The following KIF1B variants were observed in gnomAD, a reference collection of about 807,000 sequenced individuals.
The protein encoded by KIF1B is kinesin family member 1B.
KIF1B carries 76 observed loss-of-function variants against 241.9 expected under a neutral mutation model. That is an observed-to-expected ratio of 0.31 (90% CI 0.26 to 0.38). The LOEUF (loss-of-function observed/expected upper bound fraction) is 0.38. KIF1B is among the 10% of genes least tolerant of loss of function. KIF1B has a pLI of 1.00. For synonymous variants in KIF1B, 750 were observed against 796.7 expected, an observed-to-expected ratio of 0.94 and a Z score of 0.99; for missense variants, 1,622 against 2,271.4, an observed-to-expected ratio of 0.71 and a Z score of 5.81.
intron 2 of KIF1B, among the ~76,000 whole-genome samples, chr1:10,251,349 T>C (rs1192989599): frequency 4.0e-5 from 6 of 148,440 alleles, no homozygotes; most frequent in Non-Finnish European, 7.4e-5. Context: ...TTTTTTTTAC[T>C]AAGGAAAAGA....
rs997161395 is a variant in KIF1B at position 10,375,143 on chromosome 1, C to G, written c.5289+97C>G. 12 of 1,514,930 alleles carry G rather than the reference C, an allele frequency of 7.9e-6. No individual in the cohort carries two copies. The Admixed American group carries it at 2.0e-4, about 25-fold the overall frequency. 93.8% of individuals were successfully genotyped at this position (1,514,930 alleles called of 1,614,324 possible). ...ACGTGGTGTGAAATTTCCCTATTCTCTCTGGTTTTGAACTTCCTTTGTGAA... is the reference window on the plus strand; with the variant it reads ...ACGTGGTGTGAAATTTCCCTATTCTGTCTGGTTTTGAACTTCCTTTGTGAA... On this transcript the variant is annotated intron_variant, in intron 47 of 48. Transcript: ENST00000676179.
rs144047666 is a variant in KIF1B at position 10,379,327 on chromosome 1, C to A, written c.*2740C>A. 2.5e-3 allele frequency: 585 copies of A among 231,208 alleles called. 3 individuals carry two copies. The highest frequency in any genetic ancestry group is 6.4e-3 in the Middle Eastern group (5 of 780). 14.3% of individuals were successfully genotyped at this position (231,208 alleles called of 1,614,324 possible). A position where few individuals can be genotyped will look rare whatever the true frequency, so the allele number is the denominator to read the frequency against. ...GCCAAACTGGACTGTCTGTTCATAG[C>A]GTGCCTGAATAAGAAGGCCTCTTAG... is the stretch of plus-strand genomic sequence containing the variant. On this transcript the variant is annotated 3_prime_UTR_variant, in exon 49 of 49. Coordinates refer to ENST00000676179, the MANE Select transcript of KIF1B (RefSeq NM_001365951.3).
At chr1:10,213,317 A>G (rs1295847610) in intron 1 of KIF1B, among the ~76,000 whole-genome samples, 2 of 152,194 alleles carry the variant, frequency 1.3e-5, no homozygotes, top group Admixed American at 1.3e-4. Context: ...TATCCAATTA[A>G]GTATAGCTTT....
intron 1 of KIF1B, among the ~76,000 whole-genome samples, chr1:10,220,099 G>C (rs1646821287): frequency 6.6e-6 from 1 of 151,854 alleles, no homozygotes; most frequent in African/African-American, 2.4e-5. Flanking sequence ...CTACTCGGGA[G>C]GCTGAAGTAG....
rs1178969849 is a variant in KIF1B, at chr1:10,258,426, G to A, written c.184-67G>A. On this transcript the variant is annotated intron_variant, in intron 3 of 48. Coordinates refer to ENST00000676179, the MANE Select transcript of KIF1B (RefSeq NM_001365951.3). ...GATTCCAGACACTTTTATTATGGAAGCAATCAAGTAAGTATAGGAAGAAAT... is the reference window on the plus strand; with the variant it reads ...GATTCCAGACACTTTTATTATGGAAACAATCAAGTAAGTATAGGAAGAAAT... 3.3e-6 allele frequency: 5 copies of A among 1,498,350 alleles called. No homozygotes were observed. The African/African-American group carries it at 5.6e-5, about 17-fold the overall frequency. 92.8% of individuals were successfully genotyped at this position (1,498,350 alleles called of 1,614,324 possible). A position where few individuals can be genotyped will look rare whatever the true frequency, so the allele number is the denominator to read the frequency against.
At chr1:10,345,188 C>G (rs987406854) in intron 34 of KIF1B, among the ~76,000 whole-genome samples, 1 of 152,156 alleles carries the variant, frequency 6.6e-6, no homozygotes, top group Non-Finnish European at 1.5e-5. Context: ...GAATTTAAAT[C>G]TGAAGAAAAT....
chr1:10,249,844 G>A (rs1890614), intron 2 of KIF1B, among the ~76,000 whole-genome samples: 4,808 of 152,298 alleles, frequency 0.032, 280 homozygotes, highest in African/African-American at 0.11. Context: ...CTGAGGATGC[G>A]TGAGCTGTAA....
At chr1:10,330,916 G>A (rs1651895800) in intron 27 of KIF1B, among the ~76,000 whole-genome samples, 1 of 152,126 alleles carries the variant, frequency 6.6e-6, no homozygotes, top group Non-Finnish European at 1.5e-5. Context: ...ATAACGTTGG[G>A]GGACCTGTTA....
intron 22 of KIF1B, among the ~76,000 whole-genome samples, chr1:10,316,357 A>G (rs1651304722): frequency 6.6e-6 from 1 of 151,666 alleles, no homozygotes; most frequent in Non-Finnish European, 1.5e-5. Flanking sequence ...AATTTGGTTA[A>G]TGTGATGTTT....
chr1:10,245,527 C>T (rs1255050959), intron 2 of KIF1B, among the ~76,000 whole-genome samples: 1 of 151,876 alleles, frequency 6.6e-6, no homozygotes, highest in African/African-American at 2.4e-5. Flanking sequence ...AACCTGAAGA[C>T]AAAAGGGAAA....
rs1411572731 is a variant in KIF1B, at chr1:10,337,354, C to T, written c.3260-17C>T. ...GCATTATTTGAACCATCTGTGTCTTCATTTGACCCTCTTTAGATTTGAAGT... is the reference window on the plus strand; with the variant it reads ...GCATTATTTGAACCATCTGTGTCTTTATTTGACCCTCTTTAGATTTGAAGT... On this transcript the variant is annotated splice_polypyrimidine_tract_variant and intron_variant, in intron 30 of 48. Transcript: ENST00000676179. The surrounding 1 kb of genome is among the most constrained non-coding windows in gnomAD (Gnocchi z 4.0). The T allele has an allele frequency of 6.2e-7, 1 of 1,614,182 alleles. No homozygotes were observed. The highest frequency in any genetic ancestry group is 1.1e-5 in the South Asian group (1 of 91,080).
At chr1:10,284,601 C>T (rs547783282) in intron 15 of KIF1B, among the ~76,000 whole-genome samples, 46 of 152,262 alleles carry the variant, frequency 3.0e-4, no homozygotes, top group African/African-American at 1.0e-3. Context: ...ACAAGAATCA[C>T]TTGAACTTGG....
At chr1:10,246,712 C>G (rs1220219812) in intron 2 of KIF1B, among the ~76,000 whole-genome samples, 1 of 152,110 alleles carries the variant, frequency 6.6e-6, no homozygotes, top group East Asian at 1.9e-4. Context: ...CCACTGCACT[C>G]TAGCCTGCTG....
At chr1:10,219,385 G>GGGAGGCGGAGGTTGCAGTGAGCCAGAT (rs1553159905) in intron 1 of KIF1B, among the ~76,000 whole-genome samples, 1 of 150,730 alleles carries the variant, frequency 6.6e-6, no homozygotes, top group African/African-American at 2.4e-5. Flanking sequence ...ACTTGAACCT[G>GGGAGGCGGAGGTTGCAGTGAGCCAGAT]GGAGGCGGAG....
At chr1:10,289,806 C>G (rs932421183) in intron 15 of KIF1B, among the ~76,000 whole-genome samples, 8 of 152,250 alleles carry the variant, frequency 5.3e-5, no homozygotes, top group African/African-American at 1.9e-4. Context: ...ATCGCTTGAA[C>G]CTGGGAGGTG....
At chr1:10,222,762 C>T (rs1646861235) in intron 1 of KIF1B, among the ~76,000 whole-genome samples, 1 of 152,138 alleles carries the variant, frequency 6.6e-6, no homozygotes, top group African/African-American at 2.4e-5. Flanking sequence ...AATTTTTGCT[C>T]CATTCCACTT....
At chr1:10,367,854 G>A (rs1358171066) in intron 43 of KIF1B, among the ~76,000 whole-genome samples, 1 of 151,860 alleles carries the variant, frequency 6.6e-6, no homozygotes, top group Non-Finnish European at 1.5e-5. Context: ...TCAGCCTCCC[G>A]AGTAGCTGGG....
At chr1:10,263,277 A>AT (rs1438167883) in intron 5 of KIF1B, among the ~76,000 whole-genome samples, 4 of 150,308 alleles carry the variant, frequency 2.7e-5, no homozygotes, top group Non-Finnish European at 5.9e-5. Context: ...TCTCAAAAAA[A>AT]AAATAATAAT....
At chr1:10,233,506 C>T (rs1206502477) in intron 2 of KIF1B, among the ~76,000 whole-genome samples, 3 of 151,736 alleles carry the variant, frequency 2.0e-5, no homozygotes, top group East Asian at 3.9e-4. Context: ...TTTGAGACCC[C>T]GTATATATAT....
Sources: gnomAD v4.1 joint callset for allele counts (sites outside exome capture counted in the v4.1 genomes callset) on GRCh38, gnomAD v4.1.1 for gene constraint, Gnocchi (gnomAD v3.1) non-coding constraint, MANE v1.5 for transcripts, NCBI Gene and HGNC (gene_info 2026-07-23, HGNC 2026-07-21) for gene names.